PDE4D: variants seen among roughly 807,000 people sequenced by gnomAD.
PDE4D encodes the protein 3',5'-cyclic-AMP phosphodiesterase 4D.
PDE4D carries 24 observed loss-of-function variants against 87.4 expected under a neutral mutation model. The ratio of observed to expected loss-of-function variants is 0.27; its 90% CI spans 0.20 to 0.39. PDE4D has a LOEUF of 0.39. Ranked by LOEUF, PDE4D falls within the 10% of genes least tolerant of loss-of-function variation. The probability of loss-of-function intolerance (pLI) is 1.00; values close to 1 mark genes in which losing one functional copy is unlikely to be tolerated. For missense variants in PDE4D, 714 were observed against 1,041.0 expected (o/e 0.69, Z 4.32); for synonymous variants, 384 against 383.2 (o/e 1.00, Z -0.02).
chr5:59,310,790 C>T (rs1330224565), intron 1 of PDE4D, among the ~76,000 whole-genome samples: 3 of 152,132 alleles, frequency 2.0e-5, no homozygotes, highest in Non-Finnish European at 2.9e-5. Flanking sequence ...CCCAGGAATC[C>T]ACAGGAGGGA....
At chr5:60,332,516 G>T (rs1757394528) in intron 1 of PDE4D, among the ~76,000 whole-genome samples, 1 of 152,124 alleles carries the variant, frequency 6.6e-6, no homozygotes, top group Non-Finnish European at 1.5e-5. Flanking sequence ...CAAAGGACAT[G>T]ATTTTATTGT....
At chr5:59,236,176 T>C (rs1756386441) in intron 1 of PDE4D, among the ~76,000 whole-genome samples, 1 of 152,150 alleles carries the variant, frequency 6.6e-6, no homozygotes, top group Non-Finnish European at 1.5e-5. Flanking sequence ...TCCTCCCTGC[T>C]TTTGCAATCC....
chr5:60,285,052 C>T (rs1752288304), intron 1 of PDE4D, among the ~76,000 whole-genome samples: 1 of 152,008 alleles, frequency 6.6e-6, no homozygotes, highest in Non-Finnish European at 1.5e-5. Flanking sequence ...AAGAATCATT[C>T]ACATTTCCTC....
chr5:59,668,575 G>A (rs2150315693), intron 1 of PDE4D, among the ~76,000 whole-genome samples: 1 of 151,968 alleles, frequency 6.6e-6, no homozygotes, highest in Non-Finnish European at 1.5e-5. Context: ...TAGACATGGT[G>A]GCCCATGCCT....
At chr5:59,799,743 A>C (rs1766903602) in intron 1 of PDE4D, among the ~76,000 whole-genome samples, 1 of 152,264 alleles carries the variant, frequency 6.6e-6, no homozygotes. Context: ...TGTCCAAAAT[A>C]CTGTAAAATT....
intron 1 of PDE4D, among the ~76,000 whole-genome samples, chr5:59,771,502 G>GAAAGAAAGAAAGAA: frequency 8.4e-6 from 1 of 119,010 alleles, no homozygotes; most frequent in East Asian, 2.3e-4. Flanking sequence ...AGAGAGAGAA[G>GAAAGAAAGAAAGAA]AAAGAAAGAA....
In PDE4D at chr5:59,010,220, G is replaced by A. The variant is rs1450268360; in HGVS notation, c.922-16755C>T. On this transcript the variant is annotated intron_variant, in intron 6 of 14. Transcript: ENST00000340635. ...TGCACTCATGTAATCCCAGCTACTC[G>A]GGAGGCTGAGGCAGGAGAATTGCTT... 3.3e-5 allele frequency among the ~76,000 whole-genome samples: 5 copies of A among 152,130 alleles called. No individual in the cohort carries two copies. In the East Asian group the frequency reaches 5.8e-4, roughly 18 times the overall value.
intron 2 of PDE4D, among the ~76,000 whole-genome samples, chr5:60,072,030 A>G (rs1017404656): frequency 6.6e-6 from 1 of 152,168 alleles, no homozygotes; most frequent in Non-Finnish European, 1.5e-5. Flanking sequence ...CCTTGCGTAT[A>G]CATCCAGTAA....
chr5:59,447,213 T>C (rs1257469741), intron 1 of PDE4D, among the ~76,000 whole-genome samples: 2 of 152,218 alleles, frequency 1.3e-5, no homozygotes, highest in Non-Finnish European at 1.5e-5. Flanking sequence ...CAACTGAATC[T>C]ATCAGCTGTT....
At chr5:60,187,039 T>C (rs535648642) in intron 1 of PDE4D, among the ~76,000 whole-genome samples, 1 of 152,286 alleles carries the variant, frequency 6.6e-6, no homozygotes, top group South Asian at 2.1e-4. Flanking sequence ...TAAGGTTCAC[T>C]GTGGCTAAGA....
chr5:59,941,058 AC>A (rs1757128451), intron 3 of PDE4D, among the ~76,000 whole-genome samples: 1 of 152,068 alleles, frequency 6.6e-6, no homozygotes, highest in South Asian at 2.1e-4. Flanking sequence ...TACTCCCCCT[AC>A]CACCACCCAG....
intron 1 of PDE4D, among the ~76,000 whole-genome samples, chr5:59,394,357 C>T (rs1027320118): frequency 1.3e-5 from 2 of 152,174 alleles, no homozygotes; most frequent in Non-Finnish European, 2.9e-5. Context: ...TCTCAATTCT[C>T]AAAGGCATAT....
chr5:60,123,276 T>C (rs1287084210), intron 2 of PDE4D, among the ~76,000 whole-genome samples: 1 of 152,168 alleles, frequency 6.6e-6, no homozygotes, highest in African/African-American at 2.4e-5. Flanking sequence ...CTCCACTCTA[T>C]TGGTACCAAT....
At chr5:58,992,909 T>C (rs982402730) in intron 7 of PDE4D, among the ~76,000 whole-genome samples, 2 of 152,164 alleles carry the variant, frequency 1.3e-5, no homozygotes. Context: ...TCAGCTATTA[T>C]TAGCAAACTT....
chr5:59,914,858 C>T (rs1753848718), intron 3 of PDE4D, among the ~76,000 whole-genome samples: 1 of 94,896 alleles, frequency 1.1e-5, no homozygotes, highest in Non-Finnish European at 2.1e-5. Flanking sequence ...TTATAATTTA[C>T]TGATAGGGGT....
At chr5:59,631,948 AGTGAATCCCACACTGACAGAGC>A (rs1216012200) in intron 1 of PDE4D, among the ~76,000 whole-genome samples, 2 of 152,172 alleles carry the variant, frequency 1.3e-5, no homozygotes, top group East Asian at 3.9e-4. Flanking sequence ...GGTCTTGCTC[AGTGAATCCCACACTGACAGAGC>A]CCAGCAAGCT....
At chr5:60,150,154 C>T (rs1781384261) in intron 2 of PDE4D, among the ~76,000 whole-genome samples, 6 of 150,712 alleles carry the variant, frequency 4.0e-5, no homozygotes, top group Admixed American at 4.0e-4. Context: ...ATATAATATT[C>T]TAAATTAGTA....
chr5:59,214,627 C>T (rs143815676), intron 2 of PDE4D, among the ~76,000 whole-genome samples: 4 of 152,216 alleles, frequency 2.6e-5, no homozygotes, highest in Non-Finnish European at 5.9e-5. Flanking sequence ...GAAGCATTCT[C>T]ATTATGTGTG....
chr5:60,018,172 T>C (rs1288594763), intron 2 of PDE4D, among the ~76,000 whole-genome samples: 1 of 151,868 alleles, frequency 6.6e-6, no homozygotes, highest in Non-Finnish European at 1.5e-5. Flanking sequence ...TAGAAGAGAT[T>C]GGGGGCCAAG....
Sources: gnomAD v4.1 joint callset for allele counts (sites outside exome capture counted in the v4.1 genomes callset) on GRCh38, gnomAD v4.1.1 for gene constraint, MANE v1.5 for transcripts, NCBI Gene and HGNC (gene_info 2026-07-23, HGNC 2026-07-21) for gene names.